The following KCNK16 variants were observed in gnomAD, a reference collection of about 807,000 sequenced individuals.
The protein encoded by KCNK16 is potassium channel subfamily K member 16.
In KCNK16, 23 loss-of-function variants were observed where a neutral mutation model predicts 23.0. The observed-to-expected ratio is 1.00, with a 90% confidence interval of 0.72 to 1.41. KCNK16 has a LOEUF of 1.41. Ranked by LOEUF, KCNK16 falls within the 40% of genes most tolerant of loss-of-function variation. The pLI, the probability that KCNK16 is intolerant of heterozygous loss-of-function variation, is 0.00. For missense variants in KCNK16, 327 were observed against 365.8 expected (o/e 0.89, Z 0.87); for synonymous variants, 145 against 153.5 (o/e 0.94, Z 0.41).
chr6:39,322,471 A>G lies in KCNK16; in HGVS notation c.70T>C (p.Tyr24His). Residue 24 changes from tyrosine to histidine, a missense_variant, in exon 1 of 5, where the codon TAC becomes CAC. Coordinates refer to ENST00000437525, the MANE Select transcript of KCNK16 (RefSeq NM_001135106.2). ...VLPLLLAYVC[Y>H]LLLGATIFQL... ...AAGATAGTGGCACCGAGCAGCAGGT[A>G]GCAGACATAGGCCAGCAGCAGGGGC... 3 of 1,613,934 alleles carry G rather than the reference A, an allele frequency of 1.9e-6. No homozygotes were observed. Among genetic ancestry groups the G allele is most frequent in the Non-Finnish European group, 2.5e-6 (3 of 1,179,992 alleles).
At chr6:39,322,848 C>G (rs751287453), upstream of KCNK16, 18 of 351,698 alleles carry the variant, frequency 5.1e-5, no homozygotes, top group Non-Finnish European at 1.1e-5. Context: ...TGCTTCATGT[C>G]TCTCTCTCTG....
downstream of KCNK16, chr6:39,314,718 C>A: frequency 2.2e-6 from 1 of 454,110 alleles, no homozygotes; most frequent in South Asian, 4.7e-5. Context: ...TAGAGACCAA[C>A]TTTATTGTCT....
chr6:39,315,430 G>T (rs1762273024), downstream of KCNK16: 1 of 1,549,334 alleles, frequency 6.5e-7, no homozygotes, highest in Non-Finnish European at 8.7e-7. Context: ...TAAGGGGGTG[G>T]CCTGTGAGGG....
downstream of KCNK16, chr6:39,315,434 G>A (rs1354338511): frequency 4.5e-6 from 7 of 1,548,720 alleles, no homozygotes; most frequent in East Asian, 2.4e-5. Context: ...GGGGTGGCCT[G>A]TGAGGGTCAG....
rs1490293555 is a variant in KCNK16 at position 39,316,375 on chromosome 6, G to A, written c.729C>T (p.Gly243=). The change falls in exon 5 of 5, where the codon GGC becomes GGT. Residue 243 remains glycine, a synonymous_variant. Coordinates refer to ENST00000437525, the MANE Select transcript of KCNK16 (RefSeq NM_001135106.2). ...GGAGGATCAGCGCCAGCCACGCCAG[G>A]CCCAGGAGGATCCAGATGGCTGCCA... is the stretch of plus-strand genomic sequence containing the variant. ...RSLAAIWILL[G]LAWLALILPL... 6.2e-7 allele frequency: 1 copy of A among 1,612,786 alleles called. No homozygotes were observed. The highest frequency in any genetic ancestry group is 8.5e-7 in the Non-Finnish European group (1 of 1,179,560).
rs890561898 is a variant in KCNK16 at position 39,319,930 on chromosome 6, T to C, written c.214-797A>G. Among the ~76,000 whole-genome samples the C allele has an allele frequency of 2.6e-5, 4 of 152,174 alleles. No homozygotes were observed. The highest frequency in any genetic ancestry group is 5.9e-5 in the Non-Finnish European group (4 of 68,026). On this transcript the variant is annotated intron_variant, in intron 1 of 4. Coordinates refer to ENST00000437525, the MANE Select transcript of KCNK16 (RefSeq NM_001135106.2). The surrounding 1 kb of genome is among the most constrained non-coding windows in gnomAD (Gnocchi z 4.2). ...ACAACACCTCCCTTCGCTGCCCCAC[T>C]GCTGACAACCTCCAGTCCCTGGGCC...
rs1404417635 is a variant in KCNK16, at chr6:39,317,902, A to G, written c.379T>C (p.Phe127Leu). ...AGCGGGATGCCCAACAGGGCATAGA[A>G]GACACAGAAGACCTGACCTGCCTCT... ...STEAGQVFCV[F>L]YALLGIPLNV... Residue 127 changes from phenylalanine (F) to leucine (L), a missense_variant, in exon 3 of 5, where the codon TTC becomes CTC. Transcript: ENST00000437525. 1.9e-6 allele frequency: 3 copies of G among 1,613,358 alleles called. No individual in the cohort carries two copies. In the South Asian group the frequency reaches 3.3e-5, roughly 18 times the overall value.
In KCNK16 at chr6:39,319,113, C is replaced by T. The variant is rs766826621; in HGVS notation, c.234G>A (p.Val78=). 6.2e-7 allele frequency: 1 copy of T among 1,613,546 alleles called. No individual in the cohort carries two copies. Among genetic ancestry groups the T allele is most frequent in the South Asian group, 1.1e-5 (1 of 91,070 alleles). The change falls in exon 2 of 5, where the codon GTG becomes GTA. Residue 78 remains valine (V), a synonymous_variant. Coordinates refer to ENST00000437525, the MANE Select transcript of KCNK16 (RefSeq NM_001135106.2). This position sits in a 1 kb window ranked among gnomAD's most constrained non-coding sequence, Gnocchi z 4.2. ...AGTTGCCTTTGGGGTTCACACCTTT[C>T]ACCCAGGCTTCCATGATGACCTGTA... is the stretch of plus-strand genomic sequence containing the variant. The part of the protein sequence containing the change: ...QFVQVIMEAW[V]KGVNPKGNST...
In KCNK16 at chr6:39,319,152, C is replaced by G. The variant is rs758493720; in HGVS notation, c.214-19G>C. On this transcript the variant is annotated intron_variant, in intron 1 of 4. Coordinates refer to ENST00000437525, the MANE Select transcript of KCNK16 (RefSeq NM_001135106.2). This position sits in a 1 kb window ranked among gnomAD's most constrained non-coding sequence, Gnocchi z 4.2. ...TGATGACCTGTAGGGGGTGGCATGG[C>G]AGGGGAGGAAGAAGGAGCTGATGGT... The G allele has an allele frequency of 1.3e-6, 2 of 1,495,176 alleles. No individual in the cohort carries two copies. The highest frequency in any genetic ancestry group is 1.9e-6 in the Non-Finnish European group (2 of 1,072,340). 92.6% of individuals were successfully genotyped at this position (1,495,176 alleles called of 1,614,324 possible). A position where few individuals can be genotyped will look rare whatever the true frequency, so the allele number is the denominator to read the frequency against.
rs752492879 is a variant in KCNK16, at chr6:39,316,770, T to C, written c.661+12A>G. ...CCCCCACCCTGAGATAATGTGACTG[T>C]TTTGTTCTCACCAACAACATAGTCC... is the stretch of plus-strand genomic sequence containing the variant. On this transcript the variant is annotated intron_variant, in intron 4 of 4. Coordinates refer to ENST00000437525, the MANE Select transcript of KCNK16 (RefSeq NM_001135106.2). 3 of 1,612,398 alleles carry C rather than the reference T, an allele frequency of 1.9e-6. No individual in the cohort carries two copies. The highest frequency in any genetic ancestry group is 1.1e-5 in the South Asian group (1 of 90,724).
Position 39,322,637 on chromosome 6 carries a change from G to A in KCNK16, c.-97C>T. On this transcript the variant is annotated 5_prime_UTR_variant, in exon 1 of 5. Coordinates refer to ENST00000437525, the MANE Select transcript of KCNK16 (RefSeq NM_001135106.2). ...GCACCTAGGGGCCTGTGCCCAGGCT[G>A]CCGCCTGCCCTGCCCTCCTCCTCGG... 3 of 1,469,082 alleles carry A rather than the reference G, an allele frequency of 2.0e-6. No homozygotes were observed. Among genetic ancestry groups the A allele is most frequent in the Non-Finnish European group, 2.7e-6 (3 of 1,112,430 alleles). 91.0% of individuals were successfully genotyped at this position (1,469,082 alleles called of 1,614,324 possible). A position where few individuals can be genotyped will look rare whatever the true frequency, so the allele number is the denominator to read the frequency against.
At chr6:39,321,306 C>T (rs1460420807) in intron 1 of KCNK16, among the ~76,000 whole-genome samples, 4 of 152,190 alleles carry the variant, frequency 2.6e-5, no homozygotes, top group East Asian at 1.9e-4. Context: ...GGTGAAGACC[C>T]GGGGCTCCAG....
chr6:39,317,438 A>G (rs1230184916), intron 3 of KCNK16, among the ~76,000 whole-genome samples: 2 of 152,206 alleles, frequency 1.3e-5, no homozygotes, highest in Non-Finnish European at 2.9e-5. Flanking sequence ...CAGCTCCTTC[A>G]GGGTGTTCAG....
chr6:39,318,799 G>T (rs966186222), intron 2 of KCNK16, among the ~76,000 whole-genome samples: 1 of 152,150 alleles, frequency 6.6e-6, no homozygotes, highest in Non-Finnish European at 1.5e-5. Context: ...CTCTCAGAGG[G>T]TCCCAAGGAG....
At chr6:39,314,917 C>T, downstream of KCNK16, 1 of 1,332,172 alleles carries the variant, frequency 7.5e-7, no homozygotes. Flanking sequence ...GAGGCTTGTC[C>T]ACTCCTTGCT....
At chr6:39,316,752 C>A (rs766425575) in intron 4 of KCNK16, 30 bp downstream of exon 4, 1 of 1,602,996 alleles carries the variant, frequency 6.2e-7, no homozygotes, top group East Asian at 2.2e-5. Context: ...GCACCCCCAC[C>A]CTGAGATAAT....
At position 39,317,933 on chromosome 6, in the gene KCNK16, G is replaced by A. The variant is rs1267172535; in HGVS notation, c.348C>T (p.Pro116=). 6.2e-7 allele frequency: 1 copy of A among 1,609,088 alleles called. No individual in the cohort carries two copies. The highest frequency in any genetic ancestry group is 8.5e-7 in the Non-Finnish European group (1 of 1,177,560). ...VTTIGYGNLA[P]STEAGQVFCV... ...AGAAGACCTGACCTGCCTCTGTGCT[G>A]GGTGCCAGGTTCCCATATCCTGCAA... is the stretch of plus-strand genomic sequence containing the variant. The change falls in exon 3 of 5, where the codon CCC becomes CCT. Residue 116 remains proline (P), a synonymous_variant. Transcript: ENST00000437525.
upstream of KCNK16, chr6:39,322,718 C>T (rs978350491): frequency 5.0e-6 from 5 of 1,000,732 alleles, no homozygotes; most frequent in African/African-American, 4.9e-5. Flanking sequence ...AGCTTGGCTG[C>T]ACTAAGTGCT....
downstream of KCNK16, chr6:39,315,103 C>A: frequency 1.2e-6 from 2 of 1,614,210 alleles, no homozygotes; most frequent in East Asian, 4.5e-5. Flanking sequence ...CCTGGAGCCG[C>A]CTTGGCTCCA....
Sources: allele counts gnomAD v4.1 joint callset (sites outside exome capture counted in the v4.1 genomes callset), GRCh38; gene constraint gnomAD v4.1.1; non-coding constraint Gnocchi (gnomAD v3.1); transcripts MANE v1.5; gene names NCBI Gene and HGNC (gene_info 2026-07-23, HGNC 2026-07-21).